Variants in PCDH15 observed in about 807,000 individuals in gnomAD.
The protein encoded by PCDH15 is protocadherin related 15.
In PCDH15, 129 loss-of-function variants were observed where a neutral mutation model predicts 178.5. That is an observed-to-expected ratio of 0.72 (90% confidence interval 0.63 to 0.84). The LOEUF (loss-of-function observed/expected upper bound fraction) is 0.84, where lower values mean the gene tolerates loss of function less well. Among genes scored for constraint, PCDH15 ranks in the 40% least tolerant of loss-of-function variants. The pLI, the probability that PCDH15 is intolerant of heterozygous loss-of-function variation, is 0.00. For missense variants in PCDH15, 2,230 were observed against 2,099.9 expected, an observed-to-expected ratio of 1.06 and a Z score of -1.21; for synonymous variants, 800 against 732.0, an observed-to-expected ratio of 1.09 and a Z score of -1.50.
At chr10:54,457,430 G>A (rs910421035) in intron 3 of PCDH15, among the ~76,000 whole-genome samples, 5 of 152,122 alleles carry the variant, frequency 3.3e-5, no homozygotes, top group South Asian at 2.1e-4. Context: ...TTCTGCTAAC[G>A]TCAGCCCTCC....
intron 2 of PCDH15, among the ~76,000 whole-genome samples, chr10:55,544,306 C>CT (rs1409071847): frequency 6.6e-6 from 1 of 150,848 alleles, no homozygotes; most frequent in Non-Finnish European, 1.5e-5. Context: ...TTTAGTTTTC[C>CT]TCAGGTAATT....
intron 3 of PCDH15, among the ~76,000 whole-genome samples, chr10:54,392,792 G>A (rs527567671): frequency 2.0e-5 from 3 of 151,084 alleles, no homozygotes; most frequent in East Asian, 2.0e-4. Context: ...TCAGATACTC[G>A]AGAGTCTGAG....
chr10:55,126,286 G>T (rs923636700), intron 2 of PCDH15, among the ~76,000 whole-genome samples: 2 of 152,074 alleles, frequency 1.3e-5, no homozygotes, highest in African/African-American at 4.8e-5. Context: ...TTATAAAGTA[G>T]GTGGGGATGA....
At chr10:54,108,212 A>T (rs1201013903) in intron 15 of PCDH15, among the ~76,000 whole-genome samples, 1 of 152,134 alleles carries the variant, frequency 6.6e-6, no homozygotes, top group Non-Finnish European at 1.5e-5. Context: ...AATACATATC[A>T]CTGAAAGAGT....
chr10:53,821,730 GAAAA>G, intron 32 of PCDH15: 2 of 1,519,178 alleles, frequency 1.3e-6, no homozygotes, highest in African/African-American at 1.4e-5. Context: ...TTAAAAACGA[GAAAA>G]AAAACTGCAT....
At chr10:54,972,836 G>A (rs1376442553) in intron 2 of PCDH15, among the ~76,000 whole-genome samples, 17 of 114,184 alleles carry the variant, frequency 1.5e-4, no homozygotes, top group Non-Finnish European at 2.8e-4. Flanking sequence ...GCAACAGAGT[G>A]AGACTCCATC....
intron 8 of PCDH15, among the ~76,000 whole-genome samples, chr10:54,310,373 A>C (rs1447834176): frequency 6.6e-6 from 1 of 152,122 alleles, no homozygotes; most frequent in Non-Finnish European, 1.5e-5. Flanking sequence ...TATGTCTTTA[A>C]ATAGATGTTC....
At chr10:55,236,321 C>T (rs541566088) in intron 1 of PCDH15, among the ~76,000 whole-genome samples, 1 of 152,058 alleles carries the variant, frequency 6.6e-6, no homozygotes, top group East Asian at 1.9e-4. Flanking sequence ...TTAGAAGGAA[C>T]ATTAGAATAA....
At chr10:53,878,375 CTATATA>C (rs1046298777) in intron 26 of PCDH15, among the ~76,000 whole-genome samples, 1 of 143,610 alleles carries the variant, frequency 7.0e-6, no homozygotes, top group African/African-American at 2.6e-5. Flanking sequence ...ATAATATATT[CTATATA>C]TAGTCTATAT....
intron 2 of PCDH15, among the ~76,000 whole-genome samples, chr10:54,613,974 T>C (rs1407214576): frequency 6.6e-6 from 1 of 151,954 alleles, no homozygotes; most frequent in Non-Finnish European, 1.5e-5. Flanking sequence ...TTCCATTGAA[T>C]AGTTTATTAT....
chr10:54,787,429 T>C (rs2133498942), intron 1 of PCDH15, among the ~76,000 whole-genome samples: 1 of 152,114 alleles, frequency 6.6e-6, no homozygotes, highest in South Asian at 2.1e-4. Context: ...TTACATATCA[T>C]TATGTGATAG....
At chr10:55,226,221 A>G (rs1045880007) in intron 1 of PCDH15, among the ~76,000 whole-genome samples, 1 of 152,156 alleles carries the variant, frequency 6.6e-6, no homozygotes, top group Non-Finnish European at 1.5e-5. Context: ...CTTCTAGCAT[A>G]TGAGACAGAT....
intron 10 of PCDH15, 151 bp from the exon 11 acceptor site, chr10:54,196,040 ATG>A: frequency 1.5e-6 from 1 of 677,182 alleles, no homozygotes; most frequent in South Asian, 1.9e-5. Context: ...GAAAATATAA[ATG>A]AGGAAATGAA....
chr10:53,847,889 T>C (rs2078081565), intron 28 of PCDH15, among the ~76,000 whole-genome samples: 1 of 152,108 alleles, frequency 6.6e-6, no homozygotes, highest in Non-Finnish European at 1.5e-5. Flanking sequence ...CTTCTGTTTT[T>C]CTTTGGAATA....
intron 33 of PCDH15, among the ~76,000 whole-genome samples, chr10:53,818,719 A>G (rs530156318): frequency 1.3e-5 from 2 of 152,224 alleles, no homozygotes; most frequent in South Asian, 2.1e-4. Flanking sequence ...AATAATGAAA[A>G]TGTTCTATGT....
intron 2 of PCDH15, among the ~76,000 whole-genome samples, chr10:55,483,708 T>C (rs964450050): frequency 2.0e-5 from 3 of 151,286 alleles, no homozygotes; most frequent in African/African-American, 7.3e-5. Context: ...CCCAGCTACT[T>C]TGGAGGCTAA....
intron 2 of PCDH15, among the ~76,000 whole-genome samples, chr10:55,372,183 A>G (rs1238745705): frequency 6.6e-6 from 1 of 152,064 alleles, no homozygotes; most frequent in Non-Finnish European, 1.5e-5. Context: ...CATATTTATT[A>G]TTTTTCTACA....
intron 3 of PCDH15, among the ~76,000 whole-genome samples, chr10:54,521,903 C>T (rs1357509825): frequency 6.6e-6 from 1 of 151,898 alleles, no homozygotes; most frequent in Non-Finnish European, 1.5e-5. Context: ...CCCTGGCTAA[C>T]ACGGTGGAAC....
intron 2 of PCDH15, among the ~76,000 whole-genome samples, chr10:55,525,421 T>C (rs987909859): frequency 6.6e-6 from 1 of 151,866 alleles, no homozygotes; most frequent in African/African-American, 2.4e-5. Flanking sequence ...ACTAGATAGA[T>C]AAATAATCTG....
Sources: gnomAD v4.1 joint callset for allele counts (sites outside exome capture counted in the v4.1 genomes callset) on GRCh38, gnomAD v4.1.1 for gene constraint, MANE v1.5 for transcripts, NCBI Gene and HGNC (gene_info 2026-07-23, HGNC 2026-07-21) for gene names.